The following AKAIN1 variants were observed in gnomAD, a reference collection of about 807,000 sequenced individuals.
AKAIN1 encodes the protein A-kinase anchor protein inhibitor 1.
In AKAIN1, 3 loss-of-function variants were observed where a neutral mutation model predicts 3.7. The observed-to-expected ratio is 0.82, with a 90% CI of 0.37 to 2.12. The LOEUF (loss-of-function observed/expected upper bound fraction) is 2.12, where lower values mean the gene tolerates loss of function less well. Among genes scored for constraint, AKAIN1 ranks in the 30% most tolerant of loss-of-function variants. The probability of loss-of-function intolerance (pLI) is 0.06; values close to 1 mark genes in which losing one functional copy is unlikely to be tolerated. For missense variants in AKAIN1, 82 were observed against 82.7 expected (o/e 0.99, Z 0.03); for synonymous variants, 31 against 30.8 (o/e 1.01, Z -0.02).
intron 1 of AKAIN1, among the ~76,000 whole-genome samples, chr18:5,166,321 AT>A (rs1296021803): frequency 6.6e-6 from 1 of 152,006 alleles, no homozygotes; most frequent in Non-Finnish European, 1.5e-5. Flanking sequence ...TATTTTCGGA[AT>A]TAATAAATTT....
intron 1 of AKAIN1, among the ~76,000 whole-genome samples, chr18:5,183,551 A>G (rs1338447874): frequency 2.0e-5 from 3 of 151,910 alleles, no homozygotes; most frequent in Non-Finnish European, 2.9e-5. Flanking sequence ...CACCTTTAAA[A>G]CTGTATGCAG....
intron 1 of AKAIN1, among the ~76,000 whole-genome samples, chr18:5,170,177 T>C (rs934053257): frequency 6.6e-6 from 1 of 152,066 alleles, no homozygotes; most frequent in Non-Finnish European, 1.5e-5. Context: ...AAAGGCAAAA[T>C]CCAACTTTGC....
At chr18:5,183,597 T>G (rs1231271113) in intron 1 of AKAIN1, among the ~76,000 whole-genome samples, 1 of 151,972 alleles carries the variant, frequency 6.6e-6, no homozygotes, top group African/African-American at 2.4e-5. Context: ...AAAAACCCAG[T>G]GTTGACTATA....
Position 5,182,126 on chromosome 18 carries a change from T to C in AKAIN1, c.16+14912A>G, listed in dbSNP as rs182961989. ...CTTTCCATGATTCATAACTTATTCA[T>C]CTCAGGATGCACTCAGACATCTGCT... On this transcript the variant is annotated intron_variant, in intron 1 of 1. Transcript: ENST00000434239. Among the ~76,000 whole-genome samples the C allele has an allele frequency of 5.4e-4, 82 of 152,280 alleles. No homozygotes were observed. The Middle Eastern group carries it at 0.014, about 25-fold the overall frequency.
At chr18:5,179,570 T>A (rs1309579256) in intron 1 of AKAIN1, among the ~76,000 whole-genome samples, 1 of 152,140 alleles carries the variant, frequency 6.6e-6, no homozygotes, top group Non-Finnish European at 1.5e-5. Flanking sequence ...GTTATAATGA[T>A]TTATTTTCCT....
At chr18:5,192,407 TTC>T (rs1448373929) in intron 1 of AKAIN1, among the ~76,000 whole-genome samples, 6 of 114,540 alleles carry the variant, frequency 5.2e-5, no homozygotes, top group South Asian at 6.5e-4. Flanking sequence ...CTTTCTTTCT[TTC>T]TTTCTTTCTT....
intron 1 of AKAIN1, among the ~76,000 whole-genome samples, chr18:5,157,436 G>A (rs451070): frequency 0.11 from 16,895 of 152,188 alleles, 1,039 homozygotes; most frequent in Non-Finnish European, 0.14. Flanking sequence ...AATCTGTCAT[G>A]CACCTGCACA....
intron 1 of AKAIN1, among the ~76,000 whole-genome samples, chr18:5,162,000 G>A (rs1379798110): frequency 1.3e-5 from 2 of 152,092 alleles, no homozygotes; most frequent in African/African-American, 4.8e-5. Flanking sequence ...TCTGAGAGGC[G>A]TATGTACCAC....
chr18:5,192,415 TTCTTTCTTTCTTTCTTTCTTTCTTTC>T lies in AKAIN1; in HGVS notation c.16+4597_16+4622del, dbSNP rs1388463807. Among the ~76,000 whole-genome samples, 36 of 143,312 alleles carry T rather than the reference TTCTTTCTTTCTTTCTTTCTTTCTTTC, an allele frequency of 2.5e-4. No individual in the cohort carries two copies. The East Asian group carries it at 2.6e-3, about 11-fold the overall frequency. 94.0% of individuals were successfully genotyped at this position (143,312 alleles called of 152,430 possible). A position where few individuals can be genotyped will look rare whatever the true frequency, so the allele number is the denominator to read the frequency against. On this transcript the variant is annotated intron_variant, in intron 1 of 1. Transcript: ENST00000434239. ...TTTCTTTCTTTCTTTCTTTCTTTCT[TTCTTTCTTTCTTTCTTTCTTTCTTTC>T]TTTCTTTTTCTTTTCTTTGGTAGAG...
At chr18:5,158,675 C>G (rs557345359) in intron 1 of AKAIN1, among the ~76,000 whole-genome samples, 4 of 152,166 alleles carry the variant, frequency 2.6e-5, no homozygotes, top group Non-Finnish European at 4.4e-5. Flanking sequence ...GTTGGTCAAC[C>G]ATTTGCCATG....
At chr18:5,191,261 CTACAACTTATCTCT>C (rs1270907027) in intron 1 of AKAIN1, among the ~76,000 whole-genome samples, 1 of 152,124 alleles carries the variant, frequency 6.6e-6, no homozygotes, top group Admixed American at 6.6e-5. Flanking sequence ...CCTAAGGAAT[CTACAACTTATCTCT>C]TACAACTAAT....
At chr18:5,157,858 A>C (rs539108574) in intron 1 of AKAIN1, among the ~76,000 whole-genome samples, 2 of 152,138 alleles carry the variant, frequency 1.3e-5, no homozygotes, top group African/African-American at 2.4e-5. Context: ...CTAATTTTTT[A>C]AATTTTTAAT....
chr18:5,173,974 A>G (rs1237247547), intron 1 of AKAIN1, among the ~76,000 whole-genome samples: 4 of 152,040 alleles, frequency 2.6e-5, no homozygotes, highest in Admixed American at 6.6e-5. Flanking sequence ...GTGACAACAA[A>G]AGTCTAAGGA....
chr18:5,162,705 A>G (rs2071146951), intron 1 of AKAIN1, among the ~76,000 whole-genome samples: 1 of 151,462 alleles, frequency 6.6e-6, no homozygotes, highest in Non-Finnish European at 1.5e-5. Context: ...TGAGTTACAA[A>G]TTCTCATTTT....
chr18:5,174,960 C>G (rs2071217897), intron 1 of AKAIN1, among the ~76,000 whole-genome samples: 1 of 152,110 alleles, frequency 6.6e-6, no homozygotes, highest in Non-Finnish European at 1.5e-5. Flanking sequence ...GCATTCCTAG[C>G]CTCCCTTGAC....
At chr18:5,195,441 C>A (rs1367663249) in intron 1 of AKAIN1, among the ~76,000 whole-genome samples, 1 of 152,162 alleles carries the variant, frequency 6.6e-6, no homozygotes, top group Non-Finnish European at 1.5e-5. Context: ...AACACCATAT[C>A]CCTCCCCTCC....
intron 1 of AKAIN1, among the ~76,000 whole-genome samples, chr18:5,181,227 GGCTACAGTGA>G (rs1442558004): frequency 6.6e-6 from 1 of 152,126 alleles, no homozygotes; most frequent in Non-Finnish European, 1.5e-5. Context: ...AGGAGGTTGA[GGCTACAGTGA>G]GCTGTGATTG....
intron 1 of AKAIN1, among the ~76,000 whole-genome samples, chr18:5,184,351 G>A (rs1036758294): frequency 1.3e-5 from 2 of 151,956 alleles, no homozygotes; most frequent in African/African-American, 2.4e-5. Context: ...CAGAACAATC[G>A]GCAAAAGAAA....
chr18:5,196,061 A>G (rs1296181345), intron 1 of AKAIN1, among the ~76,000 whole-genome samples: 2 of 152,194 alleles, frequency 1.3e-5, no homozygotes, highest in Admixed American at 6.5e-5. Context: ...CTCCCCAGCC[A>G]TCTGAAGCCC....
Sources: gnomAD v4.1 joint callset for allele counts (sites outside exome capture counted in the v4.1 genomes callset) on GRCh38, gnomAD v4.1.1 for gene constraint, MANE v1.5 for transcripts, NCBI Gene and HGNC (gene_info 2026-07-23, HGNC 2026-07-21) for gene names.